The following DNAJC17 variants were observed in gnomAD, a reference collection of about 807,000 sequenced individuals.
DNAJC17 encodes DnaJ heat shock protein family (Hsp40) member C17.
Under a neutral mutation model 48.1 loss-of-function variants are expected in DNAJC17, and 35 were observed. That is an observed-to-expected ratio of 0.73 (90% CI 0.56 to 0.96). The LOEUF (loss-of-function observed/expected upper bound fraction) is 0.96. DNAJC17 is among the 50% of genes least tolerant of loss of function. The pLI, the probability that DNAJC17 is intolerant of heterozygous loss-of-function variation, is 0.00. For missense variants in DNAJC17, 355 were observed against 377.1 expected, an observed-to-expected ratio of 0.94 and a Z score of 0.48; for synonymous variants, 117 against 142.7, an observed-to-expected ratio of 0.82 and a Z score of 1.28.
In DNAJC17 at chr15:40,766,906, C is replaced by T. The variant is rs538568423; in HGVS notation, c.*1034G>A. On this transcript the variant is annotated 3_prime_UTR_variant, in exon 11 of 11. Coordinates refer to ENST00000220496, the MANE Select transcript of DNAJC17 (RefSeq NM_018163.3). ...GGGTGGGGAGCAAGCCCAGGGAGGG[C>T]GGCAGCAGGGCTGTGGTCAGACTAA... The T allele has an allele frequency of 8.9e-5, 17 of 190,306 alleles. No homozygotes were observed. Among genetic ancestry groups the T allele is most frequent in the Admixed American group, 4.3e-4 (7 of 16,312 alleles). 11.8% of individuals were successfully genotyped at this position (190,306 alleles called of 1,614,324 possible). A position where few individuals can be genotyped will look rare whatever the true frequency, so the allele number is the denominator to read the frequency against.
At chr15:40,783,746 T>C (rs2412554) in intron 1 of DNAJC17, among the ~76,000 whole-genome samples, 113,694 of 151,960 alleles carry the variant, frequency 0.75, 43,683 homozygotes, top group East Asian at 0.92. Flanking sequence ...GCTTGTAATC[T>C]CAGCTATGGG....
At position 40,775,183 on chromosome 15, in the gene DNAJC17, G is replaced by C. The variant is rs1055953333; in HGVS notation, c.523-75C>G. The C allele has an allele frequency of 4.7e-6, 7 of 1,493,932 alleles. No homozygotes were observed. In the Admixed American group the frequency reaches 8.5e-5, roughly 18 times the overall value. The allele number at this position is 1,493,932 out of a possible 1,614,324, so 92.5% of individuals were successfully genotyped here. A position where few individuals can be genotyped will look rare whatever the true frequency, so the allele number is the denominator to read the frequency against. On this transcript the variant is annotated intron_variant, in intron 7 of 10. Coordinates refer to ENST00000220496, the MANE Select transcript of DNAJC17 (RefSeq NM_018163.3). Reference sequence around the variant, plus strand: ...ACCCCACGACTGAGCTTGACAGTCTGAGCAGACATCCTCCCACCCTCCAAG... The same window carrying C: ...ACCCCACGACTGAGCTTGACAGTCTCAGCAGACATCCTCCCACCCTCCAAG...
chr15:40,805,441 G>A lies in DNAJC17; in HGVS notation c.78+1928C>T, dbSNP rs192122037. On this transcript the variant is annotated intron_variant, in intron 1 of 10. Coordinates refer to ENST00000220496, the MANE Select transcript of DNAJC17 (RefSeq NM_018163.3). ...ACATGCCTGTAGTCCCAGCTACTCC[G>A]GAGGCTGAGGCAGGAGAATCGCTTG... Among the ~76,000 whole-genome samples, 129 of 151,916 alleles carry A rather than the reference G, an allele frequency of 8.5e-4. 1 individual carries two copies. The East Asian group carries it at 0.021, about 25-fold the overall frequency.
chr15:40,767,822 G>A lies in DNAJC17; in HGVS notation c.*118C>T, dbSNP rs971105954. The A allele has an allele frequency of 4.4e-5, 64 of 1,443,572 alleles. No homozygotes were observed. Among genetic ancestry groups the A allele is most frequent in the Middle Eastern group, 4.8e-4 (2 of 4,132 alleles). 89.4% of individuals were successfully genotyped at this position (1,443,572 alleles called of 1,614,324 possible). On this transcript the variant is annotated 3_prime_UTR_variant, in exon 11 of 11. Transcript: ENST00000220496. ...GCGCCAGGCCTGGGTGGAGCGCTCT[G>A]CGGCAGAGCCCAGCACCTTATACCT...
chr15:40,791,435 G>A (rs1426936582), intron 1 of DNAJC17, among the ~76,000 whole-genome samples: 2 of 152,108 alleles, frequency 1.3e-5, no homozygotes, highest in Non-Finnish European at 2.9e-5. Flanking sequence ...GGCTGAGGGA[G>A]AAGAATTGCT....
chr15:40,767,531 G>A lies in DNAJC17; in HGVS notation c.*409C>T. 1.4e-6 allele frequency: 1 copy of A among 719,478 alleles called. No individual in the cohort carries two copies. The highest frequency in any genetic ancestry group is 1.9e-5 in the African/African-American group (1 of 53,910). The allele number at this position is 719,478 out of a possible 1,614,324, so 44.6% of individuals were successfully genotyped here. ...AAACCCTGCGTCAAGCAGTGGGAGA[G>A]GGCAGTGCCCGGTGCCCTGGTGCTC... On this transcript the variant is annotated 3_prime_UTR_variant, in exon 11 of 11. Coordinates refer to ENST00000220496, the MANE Select transcript of DNAJC17 (RefSeq NM_018163.3).
rs373970478 is a variant in DNAJC17, at chr15:40,766,309, G to A, written c.*1631C>T. The A allele has an allele frequency of 7.7e-5, 12 of 155,854 alleles. No individual in the cohort carries two copies. Among genetic ancestry groups the A allele is most frequent in the African/African-American group, 2.4e-4 (10 of 40,866 alleles). The allele number at this position is 155,854 out of a possible 1,614,324, so 9.7% of individuals were successfully genotyped here. On this transcript the variant is annotated 3_prime_UTR_variant, in exon 11 of 11. Coordinates refer to ENST00000220496, the MANE Select transcript of DNAJC17 (RefSeq NM_018163.3). ...GTCGCAAAGCTAAGCCCTAGAAGCA[G>A]GGAGCAGGGAGCCTGCGTCCTACCT...
chr15:40,794,139 G>C (rs990006173), intron 1 of DNAJC17, among the ~76,000 whole-genome samples: 1 of 149,808 alleles, frequency 6.7e-6, no homozygotes, highest in Non-Finnish European at 1.5e-5. Flanking sequence ...ATCACAAGGT[G>C]AGGAGTTTGA....
intron 1 of DNAJC17, among the ~76,000 whole-genome samples, chr15:40,794,591 G>A (rs1481485857): frequency 6.6e-6 from 1 of 152,156 alleles, no homozygotes; most frequent in African/African-American, 2.4e-5. Flanking sequence ...AGGATCACCT[G>A]AGCCCAGGAA....
At chr15:40,806,128 G>A (rs1389956479) in intron 1 of DNAJC17, among the ~76,000 whole-genome samples, 1 of 151,744 alleles carries the variant, frequency 6.6e-6, no homozygotes, top group African/African-American at 2.4e-5. Flanking sequence ...CTGATTTTCT[G>A]CCCCAGAGCT....
At chr15:40,807,334 C>G (rs371715684) in intron 1 of DNAJC17, 35 bp downstream of exon 1, 1 of 1,614,276 alleles carries the variant, frequency 6.2e-7, no homozygotes, top group Non-Finnish European at 8.5e-7. Flanking sequence ...ACCGCCAGAC[C>G]TCTCAAGATC....
In DNAJC17 at chr15:40,768,062, C is replaced by T; in HGVS notation, c.793G>A (p.Gly265Ser). Residue 265 changes from glycine to serine, a missense_variant and splice_region_variant, in exon 11 of 11, where the codon GGC becomes AGC. By Grantham distance (56) the Gly-to-Ser change is moderately conservative (BLOSUM62 0). Transcript: ENST00000220496. ...VGRSHSGLSK[G>S]SVLSERDYES... ...TAGTCCCTCTCTGACAGCACTGAGC[C>T]CTGTCGGACAGGGCAGGGACAGGGA... is the stretch of plus-strand genomic sequence containing the variant. The T allele has an allele frequency of 6.4e-7, 1 of 1,557,324 alleles. No individual in the cohort carries two copies. Among genetic ancestry groups the T allele is most frequent in the South Asian group, 1.2e-5 (1 of 82,410 alleles).
At chr15:40,787,620 G>A (rs1282218726) in intron 1 of DNAJC17, among the ~76,000 whole-genome samples, 1 of 152,070 alleles carries the variant, frequency 6.6e-6, no homozygotes, top group Non-Finnish European at 1.5e-5. Flanking sequence ...TAAATTGGCA[G>A]CCACCCAGCC....
chr15:40,769,686 C>T lies in DNAJC17; in HGVS notation c.793-1624G>A, dbSNP rs1889070412. ...ACACGCCTGCCTTTCAATTAACTCC[C>T]ACCCGCCCCGAACTCTTCCTACCCA... On this transcript the variant is annotated intron_variant, in intron 10 of 10. Transcript: ENST00000220496. The surrounding 1 kb of genome is among the most constrained non-coding windows in gnomAD (Gnocchi z 4.2). Among the ~76,000 whole-genome samples, 1 of 152,258 alleles carries T rather than the reference C, an allele frequency of 6.6e-6. No individual in the cohort carries two copies. The highest frequency in any genetic ancestry group is 6.5e-5 in the Admixed American group (1 of 15,286).
intron 1 of DNAJC17, among the ~76,000 whole-genome samples, chr15:40,781,187 C>T (rs987721967): frequency 6.6e-6 from 1 of 150,400 alleles, no homozygotes; most frequent in Non-Finnish European, 1.5e-5. Flanking sequence ...TTATGATTGG[C>T]CAGACATGGT....
chr15:40,766,093 CCCCCCTCT>C lies in DNAJC17; in HGVS notation c.*1839_*1846del. The C allele has an allele frequency of 4.7e-6, 2 of 427,784 alleles. No homozygotes were observed. Among genetic ancestry groups the C allele is most frequent in the Non-Finnish European group, 4.2e-6 (1 of 237,214 alleles). The allele number at this position is 427,784 out of a possible 1,614,324, so 26.5% of individuals were successfully genotyped here. A position where few individuals can be genotyped will look rare whatever the true frequency, so the allele number is the denominator to read the frequency against. On this transcript the variant is annotated 3_prime_UTR_variant, in exon 11 of 11. Coordinates refer to ENST00000220496, the MANE Select transcript of DNAJC17 (RefSeq NM_018163.3). ...GTCCCATCTGTAGCCTCTCCAACATCCCCCCTCTCCCCCACGAGGCTTGCTCTGAAAGC... is the reference window on the plus strand; with the variant it reads ...GTCCCATCTGTAGCCTCTCCAACATCCCCCCACGAGGCTTGCTCTGAAAGC...
At chr15:40,801,737 C>CACAAA (rs1890081007) in intron 1 of DNAJC17, among the ~76,000 whole-genome samples, 1 of 63,844 alleles carries the variant, frequency 1.6e-5, no homozygotes, top group Non-Finnish European at 3.5e-5. Flanking sequence ...GACTCCGTCT[C>CACAAA]AAAAAAAAAA....
chr15:40,783,997 C>T (rs1037622149), intron 1 of DNAJC17, among the ~76,000 whole-genome samples: 11 of 151,640 alleles, frequency 7.3e-5, no homozygotes, highest in Admixed American at 2.0e-4. Flanking sequence ...GAGGCTGAGG[C>T]GGGCGAATCA....
At chr15:40,807,093 C>G in intron 1 of DNAJC17, 1 of 712,536 alleles carries the variant, frequency 1.4e-6, no homozygotes, top group Non-Finnish European at 2.3e-6. Context: ...GCTAGCGTTC[C>G]TTGCTGCCTC....
Sources: gnomAD v4.1 joint callset for allele counts (sites outside exome capture counted in the v4.1 genomes callset) on GRCh38, gnomAD v4.1.1 for gene constraint, Gnocchi (gnomAD v3.1) non-coding constraint, MANE v1.5 for transcripts, NCBI Gene and HGNC (gene_info 2026-07-23, HGNC 2026-07-21) for gene names.